RYR2: variants seen among roughly 807,000 people sequenced by gnomAD.
The protein encoded by RYR2 is ryanodine receptor 2.
A neutral mutation model predicts 601.1 loss-of-function variants in RYR2; 227 were observed. That is an observed-to-expected ratio of 0.38 (90% CI 0.34 to 0.42). The LOEUF is 0.42. Among genes scored for constraint, RYR2 ranks in the 10% least tolerant of loss-of-function variants. The pLI is 1.00. For missense variants in RYR2, 4,646 were observed against 6,156.5 expected (o/e 0.75, Z 8.21); for synonymous variants, 2,223 against 2,175.1 (o/e 1.02, Z -0.61).
At chr1:237,615,644 C>G (rs1678382235) in intron 37 of RYR2, among the ~76,000 whole-genome samples, 1 of 152,146 alleles carries the variant, frequency 6.6e-6, no homozygotes, top group Non-Finnish European at 1.5e-5. Context: ...TTCCTTTAGT[C>G]AGCGTTGACT....
intron 1 of RYR2, among the ~76,000 whole-genome samples, chr1:237,051,282 T>TTCTC (rs148264575): frequency 0.072 from 5,693 of 79,114 alleles, 241 homozygotes; most frequent in Middle Eastern, 0.12. Flanking sequence ...TCTCCTCCCC[T>TTCTC]TCTCTCTCTC....
intron 25 of RYR2, among the ~76,000 whole-genome samples, chr1:237,533,386 G>C (rs897673360): frequency 6.6e-6 from 1 of 152,044 alleles, no homozygotes; most frequent in Non-Finnish European, 1.5e-5. Flanking sequence ...GCACGTCTTG[G>C]TACCCAACAG....
At chr1:237,316,362 G>A (rs1695109692) in intron 2 of RYR2, among the ~76,000 whole-genome samples, 1 of 152,042 alleles carries the variant, frequency 6.6e-6, no homozygotes, top group African/African-American at 2.4e-5. Context: ...TTCTACATCT[G>A]TTATTGTTAC....
chr1:237,128,290 G>T (rs888722764), intron 1 of RYR2, among the ~76,000 whole-genome samples: 1 of 152,214 alleles, frequency 6.6e-6, no homozygotes, highest in Non-Finnish European at 1.5e-5. Flanking sequence ...AGGAGAATCA[G>T]GCAGGGAGGT....
intron 1 of RYR2, among the ~76,000 whole-genome samples, chr1:237,233,808 C>G (rs55702285): frequency 0.16 from 24,018 of 152,110 alleles, 2,315 homozygotes; most frequent in Non-Finnish European, 0.23. Flanking sequence ...GCATGCGCCA[C>G]CACACCCAGC....
At chr1:237,410,392 A>G (rs780324795) in intron 10 of RYR2, among the ~76,000 whole-genome samples, 57 of 152,142 alleles carry the variant, frequency 3.7e-4, no homozygotes, top group Non-Finnish European at 5.9e-4. Flanking sequence ...CATTTCCTTC[A>G]ATTTATGAAA....
rs958871983 is a variant in RYR2 at position 237,706,892 on chromosome 1, C to A, written c.9581-57C>A. On this transcript the variant is annotated intron_variant, in intron 67 of 104. Coordinates refer to ENST00000366574, the MANE Select transcript of RYR2 (RefSeq NM_001035.3). ...TGAAATAGTTGCCTGTGGAAATCCG[C>A]CATATCATCTCAGTACTTTCTTTGA... 38 of 1,427,122 alleles carry A rather than the reference C, an allele frequency of 2.7e-5. 1 individual carries two copies. The African/African-American group carries it at 4.6e-4, about 17-fold the overall frequency. The allele number at this position is 1,427,122 out of a possible 1,614,324, so 88.4% of individuals were successfully genotyped here.
chr1:237,321,431 T>C lies in RYR2; in HGVS notation c.169-9447T>C, dbSNP rs568175314. 3.3e-5 allele frequency among the ~76,000 whole-genome samples: 5 copies of C among 152,274 alleles called. No individual in the cohort carries two copies. The South Asian group carries it at 8.3e-4, about 25-fold the overall frequency. ...CAGATTTCTTAACTTGGAGCCCAAC[T>C]TCCCAGAACATGATTCCGATATACT... On this transcript the variant is annotated intron_variant, in intron 2 of 104. Transcript: ENST00000366574.
rs369635536 is a variant in RYR2, at chr1:237,730,373, G to T, written c.10935+17G>T. ...GATTTAGCAGTATGTTTTTAGTGGGGCTCTAAGATGAAAGAGGGTCTAGGC... is the reference window on the plus strand; with the variant it reads ...GATTTAGCAGTATGTTTTTAGTGGGTCTCTAAGATGAAAGAGGGTCTAGGC... On this transcript the variant is annotated intron_variant, in intron 77 of 104. Coordinates refer to ENST00000366574, the MANE Select transcript of RYR2 (RefSeq NM_001035.3). 359 of 1,407,440 alleles carry T rather than the reference G, an allele frequency of 2.6e-4. No individual in the cohort carries two copies. In the African/African-American group the frequency reaches 3.8e-3, roughly 15 times the overall value. 87.2% of individuals were successfully genotyped at this position (1,407,440 alleles called of 1,614,324 possible). A position where few individuals can be genotyped will look rare whatever the true frequency, so the allele number is the denominator to read the frequency against.
intron 8 of RYR2, 125 bp from the exon 9 acceptor site, chr1:237,387,156 G>C: frequency 1.2e-6 from 1 of 818,786 alleles, no homozygotes; most frequent in Non-Finnish European, 2.1e-6. Context: ...TGAATGACAG[G>C]TTGAAACAGA....
At chr1:237,586,821 G>A (rs963638355) in intron 29 of RYR2, among the ~76,000 whole-genome samples, 2 of 152,052 alleles carry the variant, frequency 1.3e-5, no homozygotes, top group Non-Finnish European at 2.9e-5. Context: ...CCAGGTTCAA[G>A]AGATTCTCCT....
intron 1 of RYR2, among the ~76,000 whole-genome samples, chr1:237,093,751 G>A (rs1456054342): frequency 2.0e-5 from 3 of 152,204 alleles, no homozygotes. Context: ...AGAGGCCAGA[G>A]AGATTAATCG....
chr1:237,212,647 A>G (rs1682709736), intron 1 of RYR2, among the ~76,000 whole-genome samples: 1 of 152,198 alleles, frequency 6.6e-6, no homozygotes, highest in African/African-American at 2.4e-5. Flanking sequence ...TGTTAAATTA[A>G]AAGGCATGCA....
At chr1:237,537,262 G>A (rs1668738970) in intron 25 of RYR2, among the ~76,000 whole-genome samples, 1 of 152,154 alleles carries the variant, frequency 6.6e-6, no homozygotes, top group South Asian at 2.1e-4. Flanking sequence ...CAATAGCACT[G>A]AATTGGAAAC....
chr1:237,295,019 G>A (rs1168423454), intron 2 of RYR2, among the ~76,000 whole-genome samples: 1 of 152,126 alleles, frequency 6.6e-6, no homozygotes, highest in East Asian at 1.9e-4. Flanking sequence ...TTCAATACCA[G>A]CCTGGGTAAC....
intron 12 of RYR2, among the ~76,000 whole-genome samples, chr1:237,439,931 G>A (rs1008161208): frequency 3.3e-5 from 5 of 152,060 alleles, no homozygotes; most frequent in Non-Finnish European, 7.4e-5. Flanking sequence ...GACAGGGTTG[G>A]TAAAAGTAGA....
chr1:237,802,015 A>C, intron 98 of RYR2, 99 bp downstream of exon 98: 5 of 699,148 alleles, frequency 7.2e-6, no homozygotes, highest in Non-Finnish European at 1.3e-5. Context: ...AAATGTTTCG[A>C]ATACCAATTC....
intron 3 of RYR2, among the ~76,000 whole-genome samples, chr1:237,353,154 C>T (rs1054684129): frequency 1.3e-5 from 2 of 151,980 alleles, no homozygotes; most frequent in Non-Finnish European, 1.5e-5. Context: ...CAGAATTATC[C>T]ATCTTAAACA....
At chr1:237,085,788 C>T (rs1488673442) in intron 1 of RYR2, among the ~76,000 whole-genome samples, 1 of 152,162 alleles carries the variant, frequency 6.6e-6, no homozygotes, top group African/African-American at 2.4e-5. Context: ...GTCCCTCTGT[C>T]ACCCAGGCTG....
Sources: allele counts gnomAD v4.1 joint callset (sites outside exome capture counted in the v4.1 genomes callset), GRCh38; gene constraint gnomAD v4.1.1; transcripts MANE v1.5; gene names NCBI Gene and HGNC (gene_info 2026-07-23, HGNC 2026-07-21).